Variants in ASH1L observed in about 807,000 individuals in gnomAD.
ASH1L encodes histone-lysine N-methyltransferase ASH1L.
In ASH1L, 23 loss-of-function variants were observed where a neutral mutation model predicts 269.0. The ratio of observed to expected loss-of-function variants is 0.09; its 90% CI spans 0.06 to 0.12. The LOEUF is 0.12. Among genes scored for constraint, ASH1L ranks in the 10% least tolerant of loss-of-function variants. The pLI is 1.00. For synonymous variants in ASH1L, 1,187 were observed against 1,253.5 expected (o/e 0.95, Z 1.12); for missense variants, 2,912 against 3,567.8 (o/e 0.82, Z 4.68).
intron 7 of ASH1L, among the ~76,000 whole-genome samples, chr1:155,385,057 T>C (rs1209892189): frequency 1.3e-5 from 1 of 78,748 alleles, no homozygotes; most frequent in Non-Finnish European, 2.7e-5. Flanking sequence ...TAAGTCTATC[T>C]CTGAATGTAT....
At chr1:155,384,228 G>A (rs1029533494) in intron 7 of ASH1L, among the ~76,000 whole-genome samples, 1 of 152,004 alleles carries the variant, frequency 6.6e-6, no homozygotes, top group African/African-American at 2.4e-5. Context: ...TACTCATAGG[G>A]TACATCTGCT....
chr1:155,407,852 TAA>T lies in ASH1L; in HGVS notation c.6008+7890_6008+7891del, dbSNP rs765475195. 6.8e-5 allele frequency among the ~76,000 whole-genome samples: 10 copies of T among 147,342 alleles called. No homozygotes were observed. The South Asian group carries it at 1.7e-3, about 25-fold the overall frequency. On this transcript the variant is annotated intron_variant, in intron 6 of 27. Transcript: ENST00000392403. ...ATGATACTAAATATCCAGGACTGGT[TAA>T]AAAAAAAAAATTGTATTTATATTAC...
At chr1:155,515,905 T>C (rs534202223) in intron 2 of ASH1L, among the ~76,000 whole-genome samples, 2 of 150,940 alleles carry the variant, frequency 1.3e-5, no homozygotes, top group South Asian at 2.1e-4. Flanking sequence ...TATATACATA[T>C]ATATCAATAT....
At chr1:155,488,894 A>ACT (rs1386866866) in intron 2 of ASH1L, among the ~76,000 whole-genome samples, 1 of 152,072 alleles carries the variant, frequency 6.6e-6, no homozygotes, top group East Asian at 1.9e-4. Flanking sequence ...CATATAAAAT[A>ACT]CTCTCATTTA....
chr1:155,529,110 A>T (rs1207010969), intron 1 of ASH1L, among the ~76,000 whole-genome samples: 1 of 152,114 alleles, frequency 6.6e-6, no homozygotes, highest in Non-Finnish European at 1.5e-5. Flanking sequence ...ATTGGTGGGC[A>T]TTTAGGTTAA....
chr1:155,446,627 T>C (rs1663055341), intron 4 of ASH1L, among the ~76,000 whole-genome samples: 1 of 143,572 alleles, frequency 7.0e-6, no homozygotes, highest in Non-Finnish European at 1.5e-5. Flanking sequence ...TTTTTTTTTC[T>C]TTTTTTTTTT....
Position 155,562,436 on chromosome 1 carries a change from CGGCGGCGGCAGCAGCAGAGT to C in ASH1L, c.-403_-384del, listed in dbSNP as rs1185851475. On this transcript the variant is annotated 5_prime_UTR_variant, in exon 1 of 28. Transcript: ENST00000392403. ...AAAATGGCGGCGGGAGCGGCGGCGG[CGGCGGCGGCAGCAGCAGAGT>C]GGCGGCGGTGGCGGCGGCAGCTCCT... 1 of 1,471,184 alleles carries C rather than the reference CGGCGGCGGCAGCAGCAGAGT, an allele frequency of 6.8e-7. No individual in the cohort carries two copies. Among genetic ancestry groups the C allele is most frequent in the South Asian group, 1.2e-5 (1 of 82,704 alleles). 91.1% of individuals were successfully genotyped at this position (1,471,184 alleles called of 1,614,324 possible). A position where few individuals can be genotyped will look rare whatever the true frequency, so the allele number is the denominator to read the frequency against.
rs1210775386 is a variant in ASH1L at position 155,376,918 on chromosome 1, T to TG, written c.6332+1362dup. ...GTCATAACTCATAATTCTTTTTTTTTGGGGGGGAGATGGAGTTTCCCTCTT... is the reference window on the plus strand; with the variant it reads ...GTCATAACTCATAATTCTTTTTTTTTGGGGGGGGAGATGGAGTTTCCCTCTT... On this transcript the variant is annotated intron_variant, in intron 10 of 27. Transcript: ENST00000392403. Among the ~76,000 whole-genome samples the TG allele has an allele frequency of 8.6e-5, 13 of 150,850 alleles. 1 individual carries two copies. The South Asian group carries it at 1.9e-3, about 22-fold the overall frequency.
intron 1 of ASH1L, among the ~76,000 whole-genome samples, chr1:155,543,219 G>C (rs1016641891): frequency 2.6e-5 from 4 of 151,828 alleles, no homozygotes; most frequent in African/African-American, 9.7e-5. Context: ...TCAATTAATA[G>C]ATTTCAGTCA....
chr1:155,479,689 C>T lies in ASH1L; in HGVS notation c.3181G>A (p.Gly1061Ser). The T allele has an allele frequency of 3.1e-6, 5 of 1,614,172 alleles. No individual in the cohort carries two copies. The highest frequency in any genetic ancestry group is 1.3e-5 in the African/African-American group (1 of 75,050). ...RGRKPKTVLN[G>S]ILSGSPTSLA... Reference sequence around the variant, plus strand: ...CTAGTAGGACTACCAGAAAGAATACCATTTAAGACAGTTTTTGGTTTGCGA... The same window carrying T: ...CTAGTAGGACTACCAGAAAGAATACTATTTAAGACAGTTTTTGGTTTGCGA... The change falls in exon 3 of 28, where the codon GGT becomes AGT. Residue 1061 changes from glycine (G) to serine (S), a missense_variant. Around this residue, in one of 13 missense-constraint regions of ASH1L, gnomAD observed 13 missense variants for 38.5 expected, o/e 0.34. Coordinates refer to ENST00000392403, the MANE Select transcript of ASH1L (RefSeq NM_018489.3).
chr1:155,472,711 T>G (rs964603903), intron 3 of ASH1L, among the ~76,000 whole-genome samples: 1 of 152,216 alleles, frequency 6.6e-6, no homozygotes, highest in African/African-American at 2.4e-5. Flanking sequence ...ATCCCTATTA[T>G]CCACGAAATG....
At chr1:155,353,537 C>T (rs1403228358) in intron 16 of ASH1L, among the ~76,000 whole-genome samples, 1 of 152,096 alleles carries the variant, frequency 6.6e-6, no homozygotes, top group Non-Finnish European at 1.5e-5. Flanking sequence ...TTTGAACACT[C>T]TGTTTTCAGT....
chr1:155,526,281 A>T (rs1306372876), intron 1 of ASH1L, among the ~76,000 whole-genome samples: 1 of 152,230 alleles, frequency 6.6e-6, no homozygotes, highest in African/African-American at 2.4e-5. Flanking sequence ...CATGTAGCAA[A>T]TGTCTTTTTT....
chr1:155,454,128 T>A (rs1663701951), intron 4 of ASH1L, among the ~76,000 whole-genome samples: 1 of 152,152 alleles, frequency 6.6e-6, no homozygotes, highest in South Asian at 2.1e-4. Context: ...AGTTACCATT[T>A]ACTCAAAAAC....
At chr1:155,388,773 G>A (rs1419160838) in intron 7 of ASH1L, among the ~76,000 whole-genome samples, 1 of 147,236 alleles carries the variant, frequency 6.8e-6, no homozygotes, top group South Asian at 2.1e-4. Context: ...AGGCTGGAGT[G>A]CGCTGGTGCA....
In ASH1L at chr1:155,343,001, G is replaced by C. The variant is rs1652942611; in HGVS notation, c.8293+313C>G. ...GGGGTGGGCAATGAACAGGAGACAT[G>C]AGGTCATTGAAGTCTTTTTTTTTTT... On this transcript the variant is annotated intron_variant, in intron 24 of 27. Transcript: ENST00000392403. The surrounding 1 kb of genome is among the most constrained non-coding windows in gnomAD (Gnocchi z 6.1). 2 of 221,524 alleles carry C rather than the reference G, an allele frequency of 9.0e-6. No individual in the cohort carries two copies. The highest frequency in any genetic ancestry group is 1.9e-4 in the South Asian group (2 of 10,490). The allele number at this position is 221,524 out of a possible 1,614,324, so 13.7% of individuals were successfully genotyped here. A position where few individuals can be genotyped will look rare whatever the true frequency, so the allele number is the denominator to read the frequency against.
intron 1 of ASH1L, among the ~76,000 whole-genome samples, chr1:155,529,355 T>C (rs1454597774): frequency 6.6e-6 from 1 of 151,062 alleles, no homozygotes; most frequent in Non-Finnish European, 1.5e-5. Context: ...CAGCATCTTT[T>C]TTTTTTTTTT....
intron 6 of ASH1L, among the ~76,000 whole-genome samples, chr1:155,402,720 T>C (rs1658953481): frequency 6.6e-6 from 1 of 152,082 alleles, no homozygotes; most frequent in Non-Finnish European, 1.5e-5. Context: ...TGGATAATTA[T>C]TTAAAAACTT....
chr1:155,449,095 A>C (rs956898576), intron 4 of ASH1L, among the ~76,000 whole-genome samples: 9 of 151,936 alleles, frequency 5.9e-5, no homozygotes, highest in Non-Finnish European at 1.2e-4. Context: ...CACCACGCCC[A>C]GCTAATTTTT....
Sources: allele counts gnomAD v4.1 joint callset (sites outside exome capture counted in the v4.1 genomes callset), GRCh38; gene constraint gnomAD v4.1.1; regional missense constraint gnomAD v4.1.1; non-coding constraint Gnocchi (gnomAD v3.1); transcripts MANE v1.5; gene names NCBI Gene and HGNC (gene_info 2026-07-23, HGNC 2026-07-21).